Variants in ANXA8 observed in about 807,000 individuals in gnomAD.
ANXA8 encodes VAC-beta.
Under a neutral mutation model 26.8 loss-of-function variants are expected in ANXA8, and 9 were observed. The ratio of observed to expected loss-of-function variants is 0.34; its 90% CI spans 0.20 to 0.59. The LOEUF (loss-of-function observed/expected upper bound fraction) is 0.59, where lower values mean the gene tolerates loss of function less well. Among genes scored for constraint, ANXA8 ranks in the 20% least tolerant of loss-of-function variants. The probability of loss-of-function intolerance (pLI) is 0.84; values close to 1 mark genes in which losing one functional copy is unlikely to be tolerated. For missense variants in ANXA8, 83 were observed against 238.5 expected, an observed-to-expected ratio of 0.35 and a Z score of 4.29; for synonymous variants, 39 against 94.8, an observed-to-expected ratio of 0.41 and a Z score of 3.42.
chr10:47,945,345 G>T, the ANXA8 span, among the ~76,000 whole-genome samples: 1 of 150,454 alleles, frequency 6.6e-6, no homozygotes, highest in African/African-American at 2.5e-5. Flanking sequence ...GGCAGCAGGT[G>T]ACTCGATGTT....
chr10:47,766,853 TC>T, the ANXA8 span, among the ~76,000 whole-genome samples: 7 of 147,100 alleles, frequency 4.8e-5, no homozygotes, highest in Non-Finnish European at 9.0e-5. Context: ...ACCTTGTTCT[TC>T]CCCGTGTCTG....
At chr10:47,672,221 A>G in the ANXA8 span, among the ~76,000 whole-genome samples, 2 of 150,160 alleles carry the variant, frequency 1.3e-5, no homozygotes, top group South Asian at 4.2e-4. Context: ...ATTCATTAAG[A>G]ACAATTGTTA....
At chr10:47,597,665 G>GAAAAA in the ANXA8 span, among the ~76,000 whole-genome samples, 1 of 114,402 alleles carries the variant, frequency 8.7e-6, no homozygotes. Context: ...AAGAGCCACA[G>GAAAAA]AAAAAAAAAA....
the ANXA8 span, among the ~76,000 whole-genome samples, chr10:47,493,399 G>A: frequency 6.7e-6 from 1 of 149,112 alleles, no homozygotes; most frequent in Non-Finnish European, 1.5e-5. Context: ...ATGGCTGGTG[G>A]GAATTGTTCT....
At chr10:47,560,225 G>A in the ANXA8 span, among the ~76,000 whole-genome samples, 1 of 151,744 alleles carries the variant, frequency 6.6e-6, no homozygotes, top group Non-Finnish European at 1.5e-5. Flanking sequence ...AATATCATTG[G>A]TTCCAGCAGT....
chr10:47,714,301 C>A, the ANXA8 span, among the ~76,000 whole-genome samples: 1 of 141,694 alleles, frequency 7.1e-6, no homozygotes, highest in African/African-American at 2.6e-5. Flanking sequence ...TCTGTCTTTA[C>A]AGATTTACTG....
chr10:47,567,081 T>C, the ANXA8 span, among the ~76,000 whole-genome samples: 2 of 139,474 alleles, frequency 1.4e-5, no homozygotes, highest in Admixed American at 7.0e-5. Flanking sequence ...ACCTGCAGGC[T>C]GAGGGGCTCC....
At chr10:47,666,958 C>A in the ANXA8 span, among the ~76,000 whole-genome samples, 1 of 152,036 alleles carries the variant, frequency 6.6e-6, no homozygotes, top group East Asian at 1.9e-4. Context: ...GTGACTAACT[C>A]AACCTAAACA....
At chr10:47,493,091 A>T in the ANXA8 span, among the ~76,000 whole-genome samples, 6 of 151,586 alleles carry the variant, frequency 4.0e-5, no homozygotes, top group Non-Finnish European at 7.4e-5. Flanking sequence ...CTGGGTCTCA[A>T]GACTGTGGCC....
At chr10:47,502,333 T>C in the ANXA8 span, 4 of 1,602,436 alleles carry the variant, frequency 2.5e-6, no homozygotes, top group Non-Finnish European at 3.4e-6. Context: ...TGTCTGCAGG[T>C]CCTCATCAGT....
chr10:47,624,242 C>CAAAAAAAAAAAA, the ANXA8 span, among the ~76,000 whole-genome samples: 2 of 29,220 alleles, frequency 6.8e-5, no homozygotes, highest in Non-Finnish European at 6.3e-5. Flanking sequence ...GACTCCATCT[C>CAAAAAAAAAAAA]AAAAAAAAAA....
the ANXA8 span, among the ~76,000 whole-genome samples, chr10:47,762,151 G>A: frequency 0.012 from 1,838 of 148,756 alleles, 24 homozygotes; most frequent in African/African-American, 0.042. Context: ...TCTAACACCC[G>A]CTCCCTCCCC....
the ANXA8 span, among the ~76,000 whole-genome samples, chr10:47,665,773 A>G: frequency 6.6e-6 from 1 of 151,484 alleles, no homozygotes; most frequent in Non-Finnish European, 1.5e-5. Context: ...CTATGGATTA[A>G]ATTGCCCTTT....
At chr10:47,493,705 A>G in the ANXA8 span, among the ~76,000 whole-genome samples, 1 of 150,810 alleles carries the variant, frequency 6.6e-6, no homozygotes, top group African/African-American at 2.5e-5. Context: ...AGCCAGGCCC[A>G]CCATGGCCTC....
the ANXA8 span, among the ~76,000 whole-genome samples, chr10:47,623,863 CTT>C: frequency 1.2e-3 from 105 of 90,526 alleles, 1 homozygote; most frequent in East Asian, 6.8e-3. Flanking sequence ...GGTCTCCCTT[CTT>C]TTTTTTTTTT....
the ANXA8 span, among the ~76,000 whole-genome samples, chr10:47,693,361 C>T: frequency 6.6e-6 from 1 of 150,544 alleles, no homozygotes; most frequent in Non-Finnish European, 1.5e-5. Flanking sequence ...GCGATGTCTG[C>T]TCACTGCAAG....
chr10:47,557,353 C>A, the ANXA8 span, among the ~76,000 whole-genome samples: 1 of 151,600 alleles, frequency 6.6e-6, no homozygotes, highest in East Asian at 1.9e-4. Context: ...GTGCTCCTTC[C>A]CCATGCTGAA....
chr10:47,644,684 T>C, the ANXA8 span, among the ~76,000 whole-genome samples: 1 of 151,648 alleles, frequency 6.6e-6, no homozygotes, highest in Non-Finnish European at 1.5e-5. Flanking sequence ...TATTTAGTTT[T>C]ATTAACTAAA....
chr10:47,670,542 T>A, the ANXA8 span, among the ~76,000 whole-genome samples: 140 of 152,140 alleles, frequency 9.2e-4, no homozygotes, highest in African/African-American at 2.3e-3. Flanking sequence ...ATTAAAAACT[T>A]TTTATTATAG....
Sources: gnomAD v4.1 joint callset for allele counts (sites outside exome capture counted in the v4.1 genomes callset) on GRCh38, gnomAD v4.1.1 for gene constraint, MANE v1.5 for transcripts, NCBI Gene and HGNC (gene_info 2026-07-23, HGNC 2026-07-21) for gene names.